ACTN1: variants seen among roughly 807,000 people sequenced by gnomAD.
The protein encoded by ACTN1 is alpha-actinin-1.
ACTN1 carries 30 observed loss-of-function variants against 119.6 expected under a neutral mutation model. The observed-to-expected ratio is 0.25, with a 90% CI of 0.19 to 0.34. The LOEUF is 0.34. Ranked by LOEUF, ACTN1 falls within the 10% of genes least tolerant of loss-of-function variation. The pLI, the probability that ACTN1 is intolerant of heterozygous loss-of-function variation, is 1.00. For missense variants in ACTN1, 764 were observed against 1,223.4 expected (o/e 0.62, Z 5.60); for synonymous variants, 429 against 472.6 (o/e 0.91, Z 1.20).
chr14:68,921,312 G>T (rs1404269745), intron 2 of ACTN1, 187 bp from the exon 3 acceptor site: 6 of 611,784 alleles, frequency 9.8e-6, no homozygotes, highest in Non-Finnish European at 1.5e-5. Context: ...GAATGAGAGG[G>T]AGAATCTACC....
At position 68,895,314 on chromosome 14, in the gene ACTN1, C is replaced by T. The variant is rs560387156; in HGVS notation, c.763-1567G>A. On this transcript the variant is annotated intron_variant, in intron 8 of 21. Coordinates refer to ENST00000394419, the MANE Select transcript of ACTN1 (RefSeq NM_001130004.2). ...AGATGCCATGACTGCTTCTCACCCACAACTCCTGACTGATCGCCATCTCTC... is the reference window on the plus strand; with the variant it reads ...AGATGCCATGACTGCTTCTCACCCATAACTCCTGACTGATCGCCATCTCTC... Among the ~76,000 whole-genome samples, 4 of 152,328 alleles carry T rather than the reference C, an allele frequency of 2.6e-5. No individual in the cohort carries two copies. In the South Asian group the frequency reaches 8.3e-4, roughly 32 times the overall value.
At chr14:68,954,390 C>A (rs751786600) in intron 1 of ACTN1, among the ~76,000 whole-genome samples, 1 of 152,094 alleles carries the variant, frequency 6.6e-6, no homozygotes, top group Non-Finnish European at 1.5e-5. Context: ...TGCAGTGGTG[C>A]AATCTTGGCT....
chr14:68,947,020 C>T (rs1476279500), intron 1 of ACTN1, among the ~76,000 whole-genome samples: 1 of 152,178 alleles, frequency 6.6e-6, no homozygotes, highest in African/African-American at 2.4e-5. Flanking sequence ...TTCCAATGGG[C>T]CCCCGTGAAG....
chr14:68,938,554 G>C (rs1474363459), intron 1 of ACTN1, among the ~76,000 whole-genome samples: 1 of 152,110 alleles, frequency 6.6e-6, no homozygotes, highest in Non-Finnish European at 1.5e-5. Context: ...GACTTAGCCT[G>C]GTGCTGTGTC....
chr14:68,879,288 C>G lies in ACTN1; in HGVS notation c.2281-219G>C, dbSNP rs1341272000. 6.6e-6 allele frequency among the ~76,000 whole-genome samples: 1 copy of G among 152,060 alleles called. No individual in the cohort carries two copies. The highest frequency in any genetic ancestry group is 2.4e-5 in the African/African-American group (1 of 41,406). On this transcript the variant is annotated intron_variant, in intron 18 of 21. Transcript: ENST00000394419. The surrounding 1 kb of genome is among the most constrained non-coding windows in gnomAD (Gnocchi z 4.9). ...TGCCCTCCCCCCAGCACACGCAGCC[C>G]TGCTCCAGGGAGCAGGACCACAGTG...
chr14:68,974,643 T>C (rs730635), intron 1 of ACTN1, among the ~76,000 whole-genome samples: 12,255 of 152,242 alleles, frequency 0.08, 563 homozygotes, highest in Non-Finnish European at 0.1. Flanking sequence ...GCACCTCCAA[T>C]TCCACCAGCT....
At chr14:68,891,227 T>C (rs1303354851) in intron 10 of ACTN1, among the ~76,000 whole-genome samples, 1 of 152,192 alleles carries the variant, frequency 6.6e-6, no homozygotes, top group East Asian at 1.9e-4. Flanking sequence ...AGCTGCGTCA[T>C]GGCAAATTTC....
In ACTN1 at chr14:68,925,078, C is replaced by T. The variant is rs61981586; in HGVS notation, c.220+480G>A. The stretch of plus-strand genomic sequence containing the variant: ...AACCAAGGCTAGACTCACAGGACTC[C>T]CACCCCTTAAGGGATGGTGGCAGAA... On this transcript the variant is annotated intron_variant, in intron 2 of 21. Transcript: ENST00000394419. This position sits in a 1 kb window ranked among gnomAD's most constrained non-coding sequence, Gnocchi z 4.3. Among the ~76,000 whole-genome samples the T allele has an allele frequency of 0.14, 22,042 of 152,138 alleles. 1,935 individuals are homozygous for T. The highest frequency in any genetic ancestry group is 0.2 in the Non-Finnish European group (13,884 of 67,978).
At chr14:68,944,199 G>A (rs528986886) in intron 1 of ACTN1, among the ~76,000 whole-genome samples, 1 of 152,320 alleles carries the variant, frequency 6.6e-6, no homozygotes, top group African/African-American at 2.4e-5. Flanking sequence ...ATGGAAAGAG[G>A]GTTTGAATTC....
Position 68,880,945 on chromosome 14 carries a change from G to A in ACTN1, c.1998C>T (p.Asp666=). The part of the protein sequence containing the change: ...ISIEMHGTLE[D]QLSHLRQYEK... ...CATACTGCCGCAGGTGGCTGAGCTG[G>A]TCCTCCAGGGTCCCATGCATCTCAA... Residue 666 remains aspartate, a synonymous_variant, in exon 17 of 22, where the codon GAC becomes GAT. Coordinates refer to ENST00000394419, the MANE Select transcript of ACTN1 (RefSeq NM_001130004.2). This position sits in a 1 kb window ranked among gnomAD's most constrained non-coding sequence, Gnocchi z 4.6. 1.9e-6 allele frequency: 3 copies of A among 1,614,108 alleles called. No homozygotes were observed. The highest frequency in any genetic ancestry group is 1.7e-6 in the Non-Finnish European group (2 of 1,180,026).
rs112154910 is a variant in ACTN1, at chr14:68,903,841, G to A, written c.676+814C>T. On this transcript the variant is annotated intron_variant, in intron 7 of 21. Transcript: ENST00000394419. ...AGCCCCTGCTCACCCCATCCGAGAC[G>A]CTCTACACAGGGAGAGGGGCAATGG... 7.9e-5 allele frequency among the ~76,000 whole-genome samples: 12 copies of A among 151,698 alleles called. 2 individuals carry two copies. The highest frequency in any genetic ancestry group is 2.2e-4 in the African/African-American group (9 of 41,328).
intron 6 of ACTN1, among the ~76,000 whole-genome samples, chr14:68,906,906 T>C (rs1769892420): frequency 1.3e-5 from 2 of 152,152 alleles, no homozygotes; most frequent in East Asian, 1.9e-4. Context: ...GAGGGTCACA[T>C]TGAGGCCAGA....
intron 14 of ACTN1, 65 bp downstream of exon 14, chr14:68,884,103 A>C: frequency 6.6e-7 from 1 of 1,508,002 alleles, no homozygotes. Flanking sequence ...TGCAAAAGTG[A>C]CCCACAGAGC....
Position 68,979,057 on chromosome 14 carries a change from G to A in ACTN1, c.-1C>T. The A allele has an allele frequency of 6.3e-7, 1 of 1,579,656 alleles. No homozygotes were observed. Among genetic ancestry groups the A allele is most frequent in the Non-Finnish European group, 8.6e-7 (1 of 1,157,310 alleles). ...TTTGCTGAGAATCATAATGGTCCAT[G>A]ATGGTGCGCGCGTGCTAGGGTCTGG... is the stretch of plus-strand genomic sequence containing the variant. On this transcript the variant is annotated 5_prime_UTR_variant, in exon 1 of 22. Coordinates refer to ENST00000394419, the MANE Select transcript of ACTN1 (RefSeq NM_001130004.2).
In ACTN1 at chr14:68,879,937, A is replaced by T; in HGVS notation, c.2280+25T>A. 1 of 1,611,664 alleles carries T rather than the reference A, an allele frequency of 6.2e-7. No homozygotes were observed. Among genetic ancestry groups the T allele is most frequent in the Non-Finnish European group, 8.5e-7 (1 of 1,178,054 alleles). On this transcript the variant is annotated intron_variant, in intron 18 of 21. Transcript: ENST00000394419. This position sits in a 1 kb window ranked among gnomAD's most constrained non-coding sequence, Gnocchi z 4.9. ...GGGGCAGGGGTTGGGGGCTGCACTA[A>T]GAAAGCACAGGATGGGGCTCTCACC... is the stretch of plus-strand genomic sequence containing the variant.
chr14:68,912,258 C>T lies in ACTN1; in HGVS notation c.341-16G>A. On this transcript the variant is annotated splice_polypyrimidine_tract_variant and intron_variant, in intron 3 of 21. Coordinates refer to ENST00000394419, the MANE Select transcript of ACTN1 (RefSeq NM_001130004.2). ...TCCACGATTTCTACAGAAACAGCAG[C>T]AGCACACATCAGAAAGGGCCTCAGC... is the stretch of plus-strand genomic sequence containing the variant. The T allele has an allele frequency of 6.2e-7, 1 of 1,609,900 alleles. No individual in the cohort carries two copies. Among genetic ancestry groups the T allele is most frequent in the African/African-American group, 1.3e-5 (1 of 74,972 alleles).
rs2033844456 is a variant in ACTN1 at position 68,909,179 on chromosome 14, G to A, written c.594+139C>T. The stretch of plus-strand genomic sequence containing the variant: ...AGGTGTTTTCTCTTCACTTTCAGTT[G>A]GGGCTCTGTCTGGCTATTCTAAGAG... On this transcript the variant is annotated intron_variant, in intron 6 of 21. Transcript: ENST00000394419. The surrounding 1 kb of genome is among the most constrained non-coding windows in gnomAD (Gnocchi z 4.1). The A allele has an allele frequency of 2.6e-6, 2 of 772,424 alleles. No homozygotes were observed. The highest frequency in any genetic ancestry group is 2.5e-5 in the Admixed American group (1 of 40,448). 47.8% of individuals were successfully genotyped at this position (772,424 alleles called of 1,614,324 possible).
chr14:68,905,714 G>A (rs1269436080), intron 6 of ACTN1, among the ~76,000 whole-genome samples: 3 of 152,194 alleles, frequency 2.0e-5, no homozygotes, highest in Non-Finnish European at 4.4e-5. Context: ...GACACAGGCC[G>A]GGTGCAGTGG....
At chr14:68,951,498 A>G (rs764612403) in intron 1 of ACTN1, among the ~76,000 whole-genome samples, 4 of 152,188 alleles carry the variant, frequency 2.6e-5, no homozygotes, top group Non-Finnish European at 5.9e-5. Context: ...CCAAGGAGGG[A>G]TGCATGGAAG....
Sources: gnomAD v4.1 joint callset for allele counts (sites outside exome capture counted in the v4.1 genomes callset) on GRCh38, gnomAD v4.1.1 for gene constraint, Gnocchi (gnomAD v3.1) non-coding constraint, MANE v1.5 for transcripts, NCBI Gene and HGNC (gene_info 2026-07-23, HGNC 2026-07-21) for gene names.